Variants in RNF217 observed in about 807,000 individuals in gnomAD.
The protein encoded by RNF217 is ring finger protein 217.
Under a neutral mutation model 57.8 loss-of-function variants are expected in RNF217, and 31 were observed. The observed-to-expected ratio is 0.54, with a 90% confidence interval of 0.40 to 0.72. RNF217 has a LOEUF of 0.72. Ranked by LOEUF, RNF217 falls within the 30% of genes least tolerant of loss-of-function variation. The pLI, the probability that RNF217 is intolerant of heterozygous loss-of-function variation, is 0.00. For missense variants in RNF217, 696 were observed against 708.3 expected, an observed-to-expected ratio of 0.98 and a Z score of 0.20; for synonymous variants, 313 against 294.0, an observed-to-expected ratio of 1.06 and a Z score of -0.66.
At chr6:125,062,448 G>A (rs985033813) in intron 3 of RNF217, among the ~76,000 whole-genome samples, 7 of 151,924 alleles carry the variant, frequency 4.6e-5, no homozygotes, top group African/African-American at 1.2e-4. Context: ...TTTATAGTAC[G>A]ATAAAAATAT....
intron 1 of RNF217, among the ~76,000 whole-genome samples, chr6:125,003,195 T>C (rs924893406): frequency 2.6e-5 from 4 of 152,242 alleles, no homozygotes; most frequent in African/African-American, 9.6e-5. Context: ...AGAAGAGATT[T>C]AACATTTGAT....
intron 3 of RNF217, among the ~76,000 whole-genome samples, chr6:125,068,042 G>C (rs1788001596): frequency 6.6e-6 from 1 of 152,162 alleles, no homozygotes; most frequent in Non-Finnish European, 1.5e-5. Context: ...ATATTTTGCA[G>C]ATGGGGGTCA....
intron 1 of RNF217, among the ~76,000 whole-genome samples, chr6:124,988,357 A>G (rs1335013040): frequency 6.6e-6 from 1 of 152,216 alleles, no homozygotes; most frequent in Admixed American, 6.5e-5. Flanking sequence ...TACTGCAATA[A>G]AACTTTACGA....
At chr6:125,075,594 C>A (rs1392095685) in intron 3 of RNF217, among the ~76,000 whole-genome samples, 3 of 152,158 alleles carry the variant, frequency 2.0e-5, no homozygotes, top group African/African-American at 4.8e-5. Context: ...CCAATTCCCT[C>A]CACTTGACCC....
intron 3 of RNF217, among the ~76,000 whole-genome samples, chr6:125,070,963 T>A (rs1441648831): frequency 6.6e-6 from 1 of 152,210 alleles, no homozygotes; most frequent in African/African-American, 2.4e-5. Flanking sequence ...AGATGTATAC[T>A]GATTTAGTCA....
chr6:125,057,864 C>A, intron 2 of RNF217, 78 bp from the exon 3 acceptor site: 1 of 1,280,264 alleles, frequency 7.8e-7, no homozygotes. Context: ...AGCTAATTTC[C>A]CCAAGCATCA....
At position 124,979,900 on chromosome 6, in the gene RNF217, G is replaced by A. The variant is rs974535443; in HGVS notation, c.882+16474G>A. Among the ~76,000 whole-genome samples, 9 of 152,296 alleles carry A rather than the reference G, an allele frequency of 5.9e-5. 1 individual carries two copies. The South Asian group carries it at 8.3e-4, about 14-fold the overall frequency. On this transcript the variant is annotated intron_variant, in intron 1 of 5. Transcript: ENST00000521654. ...TGGTTTGCACTAGTGTACAAGTGGT[G>A]GAGATGGCTCTGTCTCATGTCCTGT...
intron 1 of RNF217, among the ~76,000 whole-genome samples, chr6:124,992,371 G>C (rs1041452817): frequency 1.3e-5 from 2 of 152,062 alleles, no homozygotes; most frequent in African/African-American, 4.8e-5. Flanking sequence ...ATGAAAACTT[G>C]ATAAATAATA....
In RNF217 at chr6:124,963,075, C is replaced by T. The variant is rs375186638; in HGVS notation, c.531C>T (p.Pro177=). The T allele has an allele frequency of 3.5e-3, 5,429 of 1,557,076 alleles. 19 individuals are homozygous for T. Among genetic ancestry groups the T allele is most frequent in the Non-Finnish European group, 4.1e-3 (4,750 of 1,159,216 alleles). ...TGGAGAGCGACCTGCCCGAGGCCCC[C>T]GCCTCGGAGCAGCTCTCGCCGCCCG... ...YCVESDLPEA[P]ASEQLSPPAS... is the part of the protein sequence containing the mutation. Residue 177 remains proline (P), a synonymous_variant, in exon 1 of 6, where the codon CCC becomes CCT. Transcript: ENST00000521654.
At chr6:125,008,228 C>T (rs925442140) in intron 1 of RNF217, among the ~76,000 whole-genome samples, 4 of 151,696 alleles carry the variant, frequency 2.6e-5, no homozygotes, top group Non-Finnish European at 5.9e-5. Flanking sequence ...TGCACTCCAG[C>T]CTGGGTGACA....
chr6:125,082,293 G>T (rs187078186), intron 5 of RNF217, among the ~76,000 whole-genome samples: 2,884 of 152,128 alleles, frequency 0.019, 35 homozygotes, highest in Non-Finnish European at 0.031. Flanking sequence ...ATTAGATGGG[G>T]TTTTTTTGCT....
At chr6:124,989,838 T>C (rs1376802209) in intron 1 of RNF217, among the ~76,000 whole-genome samples, 2 of 150,196 alleles carry the variant, frequency 1.3e-5, no homozygotes, top group African/African-American at 4.9e-5. Context: ...CTTCTTAGCA[T>C]ACAAACCAGC....
rs145581231 is a variant in RNF217 at position 125,057,350 on chromosome 6, T to A, written c.1117-592T>A. ...GCATGCACCAACATGCCCACCTAAT[T>A]TTTATATTTTTCGTAGAGATGGGGT... On this transcript the variant is annotated intron_variant, in intron 2 of 5. Transcript: ENST00000521654. Among the ~76,000 whole-genome samples, 270 of 152,092 alleles carry A rather than the reference T, an allele frequency of 1.8e-3. 1 individual carries two copies. Among genetic ancestry groups the A allele is most frequent in the African/African-American group, 6.3e-3 (261 of 41,482 alleles).
At chr6:124,983,566 C>G in intron 1 of RNF217, 1 of 886,738 alleles carries the variant, frequency 1.1e-6, no homozygotes, top group South Asian at 5.2e-5. Flanking sequence ...TCTATTCCAT[C>G]TTCTGTGGTA....
At chr6:125,054,288 A>G (rs999461485) in intron 2 of RNF217, among the ~76,000 whole-genome samples, 6 of 152,184 alleles carry the variant, frequency 3.9e-5, no homozygotes, top group Non-Finnish European at 5.9e-5. Context: ...AGAAGCAGAA[A>G]TGTACTGTTT....
intron 1 of RNF217, among the ~76,000 whole-genome samples, chr6:125,016,743 G>T (rs193184314): frequency 6.6e-6 from 1 of 151,322 alleles, no homozygotes; most frequent in African/African-American, 2.4e-5. Context: ...ATGACAACAC[G>T]TGGACACAGG....
chr6:125,021,547 G>C (rs1785839460), intron 1 of RNF217, among the ~76,000 whole-genome samples: 1 of 152,126 alleles, frequency 6.6e-6, no homozygotes, highest in Non-Finnish European at 1.5e-5. Flanking sequence ...TTACAGGCGT[G>C]AGCCACTGCA....
intron 2 of RNF217, among the ~76,000 whole-genome samples, chr6:125,052,895 A>G (rs1341889808): frequency 6.6e-6 from 1 of 152,046 alleles, no homozygotes. Flanking sequence ...GGACCATGGT[A>G]TATTTTGGGG....
At chr6:125,049,344 G>T (rs1787220376) in intron 2 of RNF217, among the ~76,000 whole-genome samples, 2 of 152,006 alleles carry the variant, frequency 1.3e-5, no homozygotes, top group Non-Finnish European at 2.9e-5. Context: ...TGGTCTCTGG[G>T]AGTCCAGGTC....
Sources: allele counts gnomAD v4.1 joint callset (sites outside exome capture counted in the v4.1 genomes callset), GRCh38; gene constraint gnomAD v4.1.1; transcripts MANE v1.5; gene names NCBI Gene and HGNC (gene_info 2026-07-23, HGNC 2026-07-21).